Variants in HCN4 observed in about 807,000 individuals in gnomAD.
HCN4 encodes the protein hyperpolarization activated cyclic nucleotide gated potassium channel 4.
A neutral mutation model predicts 76.9 loss-of-function variants in HCN4; 29 were observed. That is an observed-to-expected ratio of 0.38 (90% CI 0.28 to 0.51). The LOEUF (loss-of-function observed/expected upper bound fraction) is 0.51. Among genes scored for constraint, HCN4 ranks in the 20% least tolerant of loss-of-function variants. The pLI is 0.90. For synonymous variants in HCN4, 772 were observed against 762.5 expected (o/e 1.01, Z -0.21); for missense variants, 1,416 against 1,715.2 (o/e 0.83, Z 3.08).
chr15:73,331,413 G>A (rs796242555), intron 3 of HCN4, among the ~76,000 whole-genome samples: 10 of 152,326 alleles, frequency 6.6e-5, no homozygotes, highest in African/African-American at 2.2e-4. Context: ...GGGAGTCTGC[G>A]TGGGCTGCAA....
At chr15:73,356,683 A>C (rs956205562) in intron 1 of HCN4, among the ~76,000 whole-genome samples, 9 of 152,054 alleles carry the variant, frequency 5.9e-5, no homozygotes, top group Non-Finnish European at 1.2e-4. Context: ...TCTCTGGGGC[A>C]TCTGGGGACA....
chr15:73,345,671 G>T (rs1481197123), intron 1 of HCN4, among the ~76,000 whole-genome samples: 1 of 152,110 alleles, frequency 6.6e-6, no homozygotes, highest in African/African-American at 2.4e-5. Context: ...CCACACGCAG[G>T]TATCCCCATT....
chr15:73,361,486 C>T (rs536735234), intron 1 of HCN4, among the ~76,000 whole-genome samples: 12 of 152,342 alleles, frequency 7.9e-5, no homozygotes, highest in East Asian at 3.9e-4. Context: ...ACTGTCTGGC[C>T]GGCCTCAGTA....
Position 73,322,444 on chromosome 15 carries a change from G to A in HCN4, c.*37C>T, listed in dbSNP as rs2042865055. On this transcript the variant is annotated 3_prime_UTR_variant, in exon 8 of 8. Transcript: ENST00000261917. Reference sequence around the variant, plus strand: ...TAAACCTGAAGGAAGAAGGAAGGGAGAGAAAAGAAGAAAGAAGAGGGAAGG... The same window carrying A: ...TAAACCTGAAGGAAGAAGGAAGGGAAAGAAAAGAAGAAAGAAGAGGGAAGG... The A allele has an allele frequency of 5.4e-6, 8 of 1,480,112 alleles. No individual in the cohort carries two copies. Among genetic ancestry groups the A allele is most frequent in the Non-Finnish European group, 7.4e-6 (8 of 1,080,362 alleles). The allele number at this position is 1,480,112 out of a possible 1,614,324, so 91.7% of individuals were successfully genotyped here.
rs2151214570 is a variant in HCN4 at position 73,323,465 on chromosome 15, G to A, written c.2628C>T (p.Pro876=). 6.2e-7 allele frequency: 1 copy of A among 1,607,300 alleles called. No homozygotes were observed. The highest frequency in any genetic ancestry group is 8.5e-7 in the Non-Finnish European group (1 of 1,179,652). Reference sequence around the variant, plus strand: ...CGGGGGGTGGGGAGGAGCTGGATGAGGGCAGGAGTGGGCTCAGTCCAGCGG... The same window carrying A: ...CGGGGGGTGGGGAGGAGCTGGATGAAGGCAGGAGTGGGCTCAGTCCAGCGG... ...SAPAGLSPLL[P]SSSSSPPPGA... Residue 876 remains proline (P), a synonymous_variant, in exon 8 of 8, where the codon CCC becomes CCT. Transcript: ENST00000261917.
chr15:73,359,240 A>G (rs1432028172), intron 1 of HCN4, among the ~76,000 whole-genome samples: 2 of 152,082 alleles, frequency 1.3e-5, no homozygotes, highest in African/African-American at 4.8e-5. Context: ...GAGTCCCCCT[A>G]TCCAGCCGGC....
intron 1 of HCN4, among the ~76,000 whole-genome samples, chr15:73,366,008 TC>T (rs1319501719): frequency 6.6e-6 from 1 of 152,170 alleles, no homozygotes; most frequent in East Asian, 1.9e-4. Flanking sequence ...AGCCCACTCT[TC>T]AGGAACCTGG....
At chr15:73,359,735 G>A (rs924978649) in intron 1 of HCN4, among the ~76,000 whole-genome samples, 4 of 152,172 alleles carry the variant, frequency 2.6e-5, no homozygotes, top group Non-Finnish European at 5.9e-5. Flanking sequence ...CATGGTCACA[G>A]AATAAGCCCT....
chr15:73,368,254 G>T lies in HCN4; in HGVS notation c.17C>A (p.Pro6Gln), dbSNP rs772656493. The T allele has an allele frequency of 6.7e-7, 1 of 1,496,910 alleles. No individual in the cohort carries two copies. Among genetic ancestry groups the T allele is most frequent in the South Asian group, 1.3e-5 (1 of 79,970 alleles). 92.7% of individuals were successfully genotyped at this position (1,496,910 alleles called of 1,614,324 possible). The change falls in exon 1 of 8, where the codon CCG (proline) becomes CAG (glutamine). Residue 6 changes from proline to glutamine, a missense_variant. Physicochemically the swap from Pro to Gln is moderately conservative, Grantham distance 76. Around this residue, in one of 6 missense-constraint regions of HCN4, gnomAD observed 355 missense variants for 347.8 expected, o/e 1.02. Coordinates refer to ENST00000261917, the MANE Select transcript of HCN4 (RefSeq NM_005477.3). This position sits in a 1 kb window ranked among gnomAD's most constrained non-coding sequence, Gnocchi z 6.9. ...GCTGTAGAGCCGCTTGCGCATGGAC[G>T]GCGGCAGCTTGTCCATGGCGCCAGG... MDKLP[P>Q]SMRKRLYSLP...
At chr15:73,334,605 G>A (rs2042951393) in intron 2 of HCN4, among the ~76,000 whole-genome samples, 1 of 151,894 alleles carries the variant, frequency 6.6e-6, no homozygotes, top group Admixed American at 6.6e-5. Flanking sequence ...AGACACCAGG[G>A]GTTTGGGGAG....
chr15:73,361,245 C>T (rs765194299), intron 1 of HCN4, among the ~76,000 whole-genome samples: 1 of 152,224 alleles, frequency 6.6e-6, no homozygotes, highest in Non-Finnish European at 1.5e-5. Flanking sequence ...CACCACCTCT[C>T]TGTGCTGCCT....
At position 73,349,350 on chromosome 15, in the gene HCN4, T is replaced by TA. The variant is rs201328210; in HGVS notation, c.786-5543dup. 9.2e-3 allele frequency among the ~76,000 whole-genome samples: 1,391 copies of TA among 151,024 alleles called. 12 individuals are homozygous for TA. Among genetic ancestry groups the TA allele is most frequent in the African/African-American group, 0.027 (1,119 of 41,170 alleles). On this transcript the variant is annotated intron_variant, in intron 1 of 7. Transcript: ENST00000261917. ...CTGGACTACTTTATTTAATCTTCAT[T>TA]AAAAAAAAACCCCTATGAGGTAGAT...
At chr15:73,355,967 C>T (rs1465436127) in intron 1 of HCN4, among the ~76,000 whole-genome samples, 1 of 152,160 alleles carries the variant, frequency 6.6e-6, no homozygotes. Flanking sequence ...AAGAAGGCTC[C>T]AACACCACTC....
At chr15:73,362,534 G>A (rs765759511) in intron 1 of HCN4, among the ~76,000 whole-genome samples, 1 of 152,274 alleles carries the variant, frequency 6.6e-6, no homozygotes, top group Non-Finnish European at 1.5e-5. Flanking sequence ...AGGACAAGCT[G>A]CATTGTAACA....
chr15:73,330,324 C>G (rs1260037550), intron 3 of HCN4, among the ~76,000 whole-genome samples: 2 of 152,208 alleles, frequency 1.3e-5, no homozygotes. Flanking sequence ...CTGCATGAAC[C>G]CTGCCCGCCT....
intron 2 of HCN4, among the ~76,000 whole-genome samples, chr15:73,336,382 C>T (rs1054830843): frequency 2.6e-5 from 4 of 152,158 alleles, no homozygotes; most frequent in African/African-American, 9.6e-5. Context: ...CTGTGGAGAC[C>T]GGCAATGCTC....
Position 73,322,275 on chromosome 15 carries a change from G to T in HCN4, c.*206C>A. Reference sequence around the variant, plus strand: ...TCCCCCTCCCTCCCTCTAGTGCTGAGTATTAAAATAGTCTATAAAAGCAAG... The same window carrying T: ...TCCCCCTCCCTCCCTCTAGTGCTGATTATTAAAATAGTCTATAAAAGCAAG... On this transcript the variant is annotated 3_prime_UTR_variant, in exon 8 of 8. Coordinates refer to ENST00000261917, the MANE Select transcript of HCN4 (RefSeq NM_005477.3). The T allele has an allele frequency of 2.0e-6, 1 of 500,942 alleles. No individual in the cohort carries two copies. The highest frequency in any genetic ancestry group is 3.7e-6 in the Non-Finnish European group (1 of 271,280). 31.0% of individuals were successfully genotyped at this position (500,942 alleles called of 1,614,324 possible).
At position 73,328,481 on chromosome 15, in the gene HCN4, C is replaced by T. The variant is rs764534035; in HGVS notation, c.1590+1092G>A. ...AGTTTCAAGCAGAGGATGAGGCTGA[C>T]GTGTTTTAGATGCCGCTCCAACTGC... On this transcript the variant is annotated intron_variant, in intron 4 of 7. Coordinates refer to ENST00000261917, the MANE Select transcript of HCN4 (RefSeq NM_005477.3). This position sits in a 1 kb window ranked among gnomAD's most constrained non-coding sequence, Gnocchi z 4.0. Among the ~76,000 whole-genome samples, 6 of 151,910 alleles carry T rather than the reference C, an allele frequency of 3.9e-5. No individual in the cohort carries two copies. Among genetic ancestry groups the T allele is most frequent in the Non-Finnish European group, 7.4e-5 (5 of 68,010 alleles).
rs2042894903 is a variant in HCN4 at position 73,325,659 on chromosome 15, C to A, written c.1591-215G>T. Among the ~76,000 whole-genome samples, 1 of 152,134 alleles carries A rather than the reference C, an allele frequency of 6.6e-6. No homozygotes were observed. Among genetic ancestry groups the A allele is most frequent in the African/African-American group, 2.4e-5 (1 of 41,412 alleles). ...CCAGCTGCTTGGCATGGAGGAGGGGCCCCCACCAGCATCTGCTCCTCGCTG... is the reference window on the plus strand; with the variant it reads ...CCAGCTGCTTGGCATGGAGGAGGGGACCCCACCAGCATCTGCTCCTCGCTG... On this transcript the variant is annotated intron_variant, in intron 4 of 7. Coordinates refer to ENST00000261917, the MANE Select transcript of HCN4 (RefSeq NM_005477.3). The surrounding 1 kb of genome is among the most constrained non-coding windows in gnomAD (Gnocchi z 7.4).
Sources: allele counts gnomAD v4.1 joint callset (sites outside exome capture counted in the v4.1 genomes callset), GRCh38; gene constraint gnomAD v4.1.1; regional missense constraint gnomAD v4.1.1; non-coding constraint Gnocchi (gnomAD v3.1); transcripts MANE v1.5; gene names NCBI Gene and HGNC (gene_info 2026-07-23, HGNC 2026-07-21).